CCDC27: variants seen among roughly 807,000 people sequenced by gnomAD.
CCDC27 encodes the protein coiled-coil domain-containing protein 27.
Under a neutral mutation model 80.3 loss-of-function variants are expected in CCDC27, and 80 were observed. The ratio of observed to expected loss-of-function variants is 1.00; its 90% CI spans 0.83 to 1.20. The LOEUF is 1.20. Among genes scored for constraint, CCDC27 ranks in the 50% most tolerant of loss-of-function variants. The pLI, the probability that CCDC27 is intolerant of heterozygous loss-of-function variation, is 0.00. For missense variants in CCDC27, 815 were observed against 809.4 expected (o/e 1.01, Z -0.08); for synonymous variants, 342 against 334.3 (o/e 1.02, Z -0.25).
rs752259546 is a variant in CCDC27, at chr1:3,754,120, T to G, written c.321T>G (p.Ser107Arg). The part of the protein sequence containing the change: ...QTISRYYRKT[S>R]EPKDAASLTG... ...TCTTACTTTCCCCGCTCTGCCAGAGTGAACCCAAGGATGCCGCCAGCCTCA... is the reference window on the plus strand; with the variant it reads ...TCTTACTTTCCCCGCTCTGCCAGAGGGAACCCAAGGATGCCGCCAGCCTCA... The change falls in exon 2 of 12, where the codon AGT becomes AGG. Residue 107 changes from serine to arginine, a missense_variant and splice_region_variant. By Grantham distance (110) the Ser-to-Arg change is moderately radical (BLOSUM62 -1). Transcript: ENST00000294600. 3.1e-6 allele frequency: 5 copies of G among 1,612,946 alleles called. No individual in the cohort carries two copies. In the Admixed American group the frequency reaches 6.7e-5, roughly 22 times the overall value.
intron 8 of CCDC27, among the ~76,000 whole-genome samples, chr1:3,764,120 C>T (rs753243607): frequency 1.3e-5 from 2 of 152,318 alleles, no homozygotes; most frequent in Middle Eastern, 6.8e-3. Flanking sequence ...CTCTTGGCCA[C>T]TCCTCAAGCA....
Position 3,756,759 on chromosome 1 carries a change from A to G in CCDC27, c.580A>G (p.Ile194Val), listed in dbSNP as rs1377814144. The change falls in exon 4 of 12, where the codon ATC becomes GTC. Residue 194 changes from isoleucine to valine, a missense_variant. Ile to Val is a conservative substitution (Grantham distance 29). Coordinates refer to ENST00000294600, the MANE Select transcript of CCDC27 (RefSeq NM_152492.3). ...DGYLLPFSKSICEFDYLRKRR... is the reference protein window; with the variant it reads ...DGYLLPFSKSVCEFDYLRKRR... ...GTACCTCCTTCCCTTCAGTAAGAGC[A>G]TCTGCGAGTTCGATTACTTGCGGAA... The G allele has an allele frequency of 1.9e-6, 3 of 1,614,106 alleles. No homozygotes were observed. Among genetic ancestry groups the G allele is most frequent in the Middle Eastern group, 3.3e-4 (2 of 6,060 alleles).
chr1:3,763,930 A>G lies in CCDC27; in HGVS notation c.1452+94A>G, dbSNP rs945022228. ...GCTCGGGGCAGGCGCTGCCCGTCCC[A>G]TCTACTGATGGAGACTTTGAGCCTG... On this transcript the variant is annotated intron_variant, in intron 8 of 11. Transcript: ENST00000294600. This position sits in a 1 kb window ranked among gnomAD's most constrained non-coding sequence, Gnocchi z 7.5. 5 of 1,509,222 alleles carry G rather than the reference A, an allele frequency of 3.3e-6. No individual in the cohort carries two copies. Among genetic ancestry groups the G allele is most frequent in the Non-Finnish European group, 4.4e-6 (5 of 1,123,878 alleles). The allele number at this position is 1,509,222 out of a possible 1,614,324, so 93.5% of individuals were successfully genotyped here. A position where few individuals can be genotyped will look rare whatever the true frequency, so the allele number is the denominator to read the frequency against.
In CCDC27 at chr1:3,766,837, CTTTTTT is replaced by C. The variant is rs34635257; in HGVS notation, c.1530+242_1530+247del. The stretch of plus-strand genomic sequence containing the variant: ...AGGGACCCAGCAAGCGTTCCCAGTC[CTTTTTT>C]TTTTTTTTTTTTTTTTGAGACAGAG... On this transcript the variant is annotated intron_variant, in intron 9 of 11. Coordinates refer to ENST00000294600, the MANE Select transcript of CCDC27 (RefSeq NM_152492.3). This position sits in a 1 kb window ranked among gnomAD's most constrained non-coding sequence, Gnocchi z 6.1. Among the ~76,000 whole-genome samples the C allele has an allele frequency of 1.9e-5, 2 of 105,464 alleles. No homozygotes were observed. Among genetic ancestry groups the C allele is most frequent in the African/African-American group, 4.1e-5 (1 of 24,204 alleles). The allele number at this position is 105,464 out of a possible 152,430, so 69.2% of individuals were successfully genotyped here.
At chr1:3,770,225 C>G (rs1436719719) in intron 11 of CCDC27, among the ~76,000 whole-genome samples, 1 of 152,220 alleles carries the variant, frequency 6.6e-6, no homozygotes, top group Non-Finnish European at 1.5e-5. Context: ...AGCAGGAGCC[C>G]AGCCCCGGCT....
intron 11 of CCDC27, among the ~76,000 whole-genome samples, chr1:3,770,591 C>G (rs770819281): frequency 6.6e-6 from 1 of 152,220 alleles, no homozygotes; most frequent in Non-Finnish European, 1.5e-5. Context: ...GGTCACCTCT[C>G]ACCAGGAGCT....
Position 3,762,634 on chromosome 1 carries a change from C to A in CCDC27, c.876C>A (p.Asp292Glu). ...GCGTCTTGCAGGAGCAGCTCTCAGACGCTTCGCTGAAGCTGGGCAGGCTGA... is the reference window on the plus strand; with the variant it reads ...GCGTCTTGCAGGAGCAGCTCTCAGAAGCTTCGCTGAAGCTGGGCAGGCTGA... ...MSPGRREQLSDASLKLGRLSL... is the reference protein window; with the variant it reads ...MSPGRREQLSEASLKLGRLSL... Residue 292 changes from aspartate (D) to glutamate (E), a missense_variant, in exon 6 of 12, where the codon GAC becomes GAA. Transcript: ENST00000294600. 1 of 1,550,682 alleles carries A rather than the reference C, an allele frequency of 6.4e-7. No individual in the cohort carries two copies. Among genetic ancestry groups the A allele is most frequent in the Non-Finnish European group, 8.7e-7 (1 of 1,146,808 alleles).
chr1:3,752,884 C>A, intron 1 of CCDC27, 85 bp downstream of exon 1: 3 of 1,425,552 alleles, frequency 2.1e-6, no homozygotes, highest in Non-Finnish European at 2.9e-6. Flanking sequence ...AGCTGTCAGC[C>A]CACAAAGCAT....
In CCDC27 at chr1:3,767,350, T is replaced by A. The variant is rs2275839; in HGVS notation, c.1648T>A (p.Trp550Arg). 7.0e-3 allele frequency: 11,362 copies of A among 1,613,448 alleles called. 468 individuals carry two copies. The East Asian group carries it at 0.12, about 17-fold the overall frequency. Residue 550 changes from tryptophan (W) to arginine (R), a missense_variant, in exon 10 of 12, where the codon TGG (tryptophan) becomes AGG (arginine). Coordinates refer to ENST00000294600, the MANE Select transcript of CCDC27 (RefSeq NM_152492.3). ...VELDQNHLQR[W>R]KQLQEDLQSK... is the part of the protein sequence containing the mutation. ...ACTGGACCAGAACCACCTGCAGAGG[T>A]GGAAGCAGCTGCAGGAGGATTTGCA...
rs546637535 is a variant in CCDC27, at chr1:3,754,326, G to T, written c.442+85G>T. ...GAGGCCTTCCTGCACCCTTCAGCCT[G>T]CGAGCAGCCGCCAGAGTTGGCCTCC... is the stretch of plus-strand genomic sequence containing the variant. On this transcript the variant is annotated intron_variant, in intron 2 of 11. Coordinates refer to ENST00000294600, the MANE Select transcript of CCDC27 (RefSeq NM_152492.3). 93 of 1,445,954 alleles carry T rather than the reference G, an allele frequency of 6.4e-5. 1 individual carries two copies. In the East Asian group the frequency reaches 2.4e-3, roughly 37 times the overall value. The allele number at this position is 1,445,954 out of a possible 1,614,324, so 89.6% of individuals were successfully genotyped here.
Position 3,756,831 on chromosome 1 carries a change from G to A in CCDC27, c.652G>A (p.Ala218Thr), listed in dbSNP as rs765415352. The change falls in exon 4 of 12, where the codon GCA becomes ACA. Residue 218 changes from alanine to threonine, a missense_variant. Coordinates refer to ENST00000294600, the MANE Select transcript of CCDC27 (RefSeq NM_152492.3). ...GAGTCCGGTCACCAGCAGCTCAGTC[G>A]CATCTCAGAGCTGCCTGAGAAAGAG... ...TLSPVTSSSV[A>T]SQSCLRKRMP... The A allele has an allele frequency of 1.2e-5, 19 of 1,613,886 alleles. No individual in the cohort carries two copies. The highest frequency in any genetic ancestry group is 4.4e-5 in the South Asian group (4 of 91,070).
Position 3,771,383 on chromosome 1 carries a change from G to A in CCDC27, c.1849-18G>A, listed in dbSNP as rs1203161802. The A allele has an allele frequency of 1.2e-6, 2 of 1,613,622 alleles. No individual in the cohort carries two copies. Among genetic ancestry groups the A allele is most frequent in the South Asian group, 2.2e-5 (2 of 91,074 alleles). Reference sequence around the variant, plus strand: ...AGGAACTGGGAAGGCCACCTCGACGGCTGTGTTTCTTGTGTAGAGAATTAT... The same window carrying A: ...AGGAACTGGGAAGGCCACCTCGACGACTGTGTTTCTTGTGTAGAGAATTAT... On this transcript the variant is annotated intron_variant, in intron 11 of 11. Coordinates refer to ENST00000294600, the MANE Select transcript of CCDC27 (RefSeq NM_152492.3).
At chr1:3,756,633 C>T (rs754345438) in intron 3 of CCDC27, 100 bp from the exon 4 acceptor site, 23 of 1,309,708 alleles carry the variant, frequency 1.8e-5, no homozygotes, top group African/African-American at 2.9e-5. Context: ...TAGGGGTTTC[C>T]GAGGGAAGTC....
chr1:3,757,085 T>G (rs530748119), intron 4 of CCDC27, 195 bp downstream of exon 4: 80 of 568,780 alleles, frequency 1.4e-4, no homozygotes, highest in Admixed American at 3.5e-4. Flanking sequence ...CTCACCCCAG[T>G]GGGTGGCAGT....
At chr1:3,771,232 T>C (rs1370718642) in intron 11 of CCDC27, among the ~76,000 whole-genome samples, 169 bp from the exon 12 acceptor site, 1 of 152,112 alleles carries the variant, frequency 6.6e-6, no homozygotes, top group Non-Finnish European at 1.5e-5. Context: ...TTTCTCCCCC[T>C]GGAGAGCCGG....
chr1:3,753,448 A>G (rs1446699461), intron 1 of CCDC27, among the ~76,000 whole-genome samples: 1 of 150,066 alleles, frequency 6.7e-6, no homozygotes, highest in African/African-American at 2.5e-5. Context: ...CTCAGCCTCC[A>G]GAGTAGCTGG....
chr1:3,769,247 A>G lies in CCDC27; in HGVS notation c.1744-536A>G, dbSNP rs999633231. Among the ~76,000 whole-genome samples, 1 of 152,138 alleles carries G rather than the reference A, an allele frequency of 6.6e-6. No individual in the cohort carries two copies. The highest frequency in any genetic ancestry group is 2.1e-4 in the South Asian group (1 of 4,830). ...ACAAGGATCTTCATGGCAGCAGAAG[A>G]CGAGAACGCCTTCTGGGTCTGTGCG... On this transcript the variant is annotated intron_variant, in intron 10 of 11. Transcript: ENST00000294600. This position sits in a 1 kb window ranked among gnomAD's most constrained non-coding sequence, Gnocchi z 4.6.
At chr1:3,771,265 C>T in intron 11 of CCDC27, 136 bp from the exon 12 acceptor site, 1 of 1,054,252 alleles carries the variant, frequency 9.5e-7, no homozygotes, top group South Asian at 1.5e-5. Flanking sequence ...ACCAGCACAC[C>T]CCTGCTGCAG....
chr1:3,759,378 A>G (rs1469489773), intron 4 of CCDC27, among the ~76,000 whole-genome samples: 1 of 152,248 alleles, frequency 6.6e-6, no homozygotes, highest in African/African-American at 2.4e-5. Context: ...AAGGATAATT[A>G]CTAGCTTTGA....
Sources: gnomAD v4.1 joint callset for allele counts (sites outside exome capture counted in the v4.1 genomes callset) on GRCh38, gnomAD v4.1.1 for gene constraint, Gnocchi (gnomAD v3.1) non-coding constraint, MANE v1.5 for transcripts, NCBI Gene and HGNC (gene_info 2026-07-23, HGNC 2026-07-21) for gene names.